The following RASD2 variants were observed in gnomAD, a reference collection of about 807,000 sequenced individuals.
The protein encoded by RASD2 is RASD family member 2.
In RASD2, 7 loss-of-function variants were observed where a neutral mutation model predicts 15.8. That is an observed-to-expected ratio of 0.44 (90% CI 0.25 to 0.83). The LOEUF (loss-of-function observed/expected upper bound fraction) is 0.83, where lower values mean the gene tolerates loss of function less well. Ranked by LOEUF, RASD2 falls within the 40% of genes least tolerant of loss-of-function variation. The pLI, the probability that RASD2 is intolerant of heterozygous loss-of-function variation, is 0.20. For synonymous variants in RASD2, 155 were observed against 153.6 expected (o/e 1.01, Z -0.07); for missense variants, 274 against 382.8 (o/e 0.72, Z 2.37).
intron 1 of RASD2, among the ~76,000 whole-genome samples, chr22:35,545,529 G>A (rs1934476877): frequency 2.0e-5 from 3 of 152,140 alleles, no homozygotes; most frequent in Admixed American, 2.0e-4. Context: ...TATCCAACCT[G>A]CACAACCTGT....
Position 35,551,473 on chromosome 22 carries a change from G to A in RASD2, c.272-30G>A, listed in dbSNP as rs767264091. ...AGGGCAGGGGTTGCAGCTGGCCGGTGAACTCACTACCTGGGCTCTCTCCCT... is the reference window on the plus strand; with the variant it reads ...AGGGCAGGGGTTGCAGCTGGCCGGTAAACTCACTACCTGGGCTCTCTCCCT... On this transcript the variant is annotated intron_variant, in intron 2 of 2. Coordinates refer to ENST00000216127, the MANE Select transcript of RASD2 (RefSeq NM_014310.4). The surrounding 1 kb of genome is among the most constrained non-coding windows in gnomAD (Gnocchi z 4.9). The A allele has an allele frequency of 7.5e-6, 12 of 1,591,162 alleles. No homozygotes were observed. The highest frequency in any genetic ancestry group is 1.3e-5 in the African/African-American group (1 of 74,466).
chr22:35,543,071 G>C (rs1460590909), intron 1 of RASD2, among the ~76,000 whole-genome samples: 1 of 152,212 alleles, frequency 6.6e-6, no homozygotes, highest in African/African-American at 2.4e-5. Flanking sequence ...GCCTGGTTCT[G>C]ATCCCAGCCC....
chr22:35,542,297 G>A (rs778654453), intron 1 of RASD2, among the ~76,000 whole-genome samples: 2 of 152,180 alleles, frequency 1.3e-5, no homozygotes, highest in Non-Finnish European at 2.9e-5. Context: ...GCAGCCCCAC[G>A]ACTGCCAAGA....
At chr22:35,550,290 A>T (rs1004633149) in intron 2 of RASD2, among the ~76,000 whole-genome samples, 5 of 150,878 alleles carry the variant, frequency 3.3e-5, no homozygotes, top group South Asian at 2.1e-4. Flanking sequence ...AATAAATAAA[A>T]AATAGCTAGG....
At chr22:35,543,356 C>T (rs9622226) in intron 1 of RASD2, among the ~76,000 whole-genome samples, 14,905 of 152,308 alleles carry the variant, frequency 0.098, 2,416 homozygotes, top group African/African-American at 0.34. Context: ...CCTCCTCTCT[C>T]TGATTCCTTA....
chr22:35,544,599 A>T (rs1934446876), intron 1 of RASD2, among the ~76,000 whole-genome samples: 1 of 152,230 alleles, frequency 6.6e-6, no homozygotes, highest in Non-Finnish European at 1.5e-5. Context: ...GTTTTGTGGG[A>T]TAAATTCAAA....
upstream of RASD2, among the ~76,000 whole-genome samples, chr22:35,536,616 T>C (rs1284752482): frequency 2.6e-5 from 4 of 152,182 alleles, no homozygotes; most frequent in Non-Finnish European, 2.9e-5. Context: ...TGAGCCACCA[T>C]GCCCAGCCCC....
chr22:35,543,883 C>CCTGCCTCCCCTTTCTGTCTCA (rs1934420959), intron 1 of RASD2, among the ~76,000 whole-genome samples: 1 of 150,146 alleles, frequency 6.7e-6, no homozygotes, highest in African/African-American at 2.5e-5. Flanking sequence ...TGTCTGACTC[C>CCTGCCTCCCCTTTCTGTCTCA]CTGCCTCCCC....
At chr22:35,533,573 GGTGGT>G in the RASD2 span, among the ~76,000 whole-genome samples, 2 of 29,382 alleles carry the variant, frequency 6.8e-5, no homozygotes, top group African/African-American at 2.5e-4. Flanking sequence ...TGGTGGTGAT[GGTGGT>G]AAGGGTGGTG....
chr22:35,548,922 G>C (rs548145525), intron 2 of RASD2, among the ~76,000 whole-genome samples: 1 of 152,184 alleles, frequency 6.6e-6, no homozygotes, highest in Non-Finnish European at 1.5e-5. Flanking sequence ...CTTCCAGCAC[G>C]TGACGGGTAT....
chr22:35,537,727 A>G (rs1428575230), upstream of RASD2, among the ~76,000 whole-genome samples: 1 of 152,152 alleles, frequency 6.6e-6, no homozygotes, highest in Non-Finnish European at 1.5e-5. Context: ...AGTGCTTTGA[A>G]GAATGTGTAG....
In RASD2 at chr22:35,551,978, C is replaced by T. The variant is rs1234126272; in HGVS notation, c.747C>T (p.Ala249=). Residue 249 remains alanine (A), a synonymous_variant, in exon 3 of 3, where the codon GCC becomes GCT. Transcript: ENST00000216127. The surrounding 1 kb of genome is among the most constrained non-coding windows in gnomAD (Gnocchi z 4.9). ...SVNSDLKYIK[A]KVLREGQARE... Reference sequence around the variant, plus strand: ...ACAGTGACCTCAAGTACATCAAGGCCAAGGTCCTTCGGGAAGGCCAGGCCC... The same window carrying T: ...ACAGTGACCTCAAGTACATCAAGGCTAAGGTCCTTCGGGAAGGCCAGGCCC... 1 of 1,601,962 alleles carries T rather than the reference C, an allele frequency of 6.2e-7. No homozygotes were observed. Among genetic ancestry groups the T allele is most frequent in the Admixed American group, 1.7e-5 (1 of 60,008 alleles).
chr22:35,538,514 C>T (rs968603988), upstream of RASD2, among the ~76,000 whole-genome samples: 1 of 152,128 alleles, frequency 6.6e-6, no homozygotes. Context: ...ACAAAGCTTC[C>T]TTGGGCATCA....
chr22:35,541,722 A>G lies in RASD2; in HGVS notation c.-10+222A>G, dbSNP rs183905443. 2.0e-5 allele frequency among the ~76,000 whole-genome samples: 3 copies of G among 152,326 alleles called. No individual in the cohort carries two copies. In the East Asian group the frequency reaches 5.8e-4, roughly 29 times the overall value. On this transcript the variant is annotated intron_variant, in intron 1 of 2. Transcript: ENST00000216127. ...CTGTATGTGTCAAACTGAGTGCTAT[A>G]CCCTTGACTTAATCCCAGGAAAGAA...
At chr22:35,537,083 C>CT (rs35985173), upstream of RASD2, among the ~76,000 whole-genome samples, 35,393 of 151,956 alleles carry the variant, frequency 0.23, 4,668 homozygotes, top group African/African-American at 0.36. Flanking sequence ...CTGACGTGTG[C>CT]TTTTTTTCCT....
At position 35,551,541 on chromosome 22, in the gene RASD2, G is replaced by A; in HGVS notation, c.310G>A (p.Glu104Lys). Reference sequence around the variant, plus strand: ...CCTGGTGTTCAGCCTGGATAACCGGGAGTCCTTCGATGAGGTCAAGCGCCT... The same window carrying A: ...CCTGGTGTTCAGCCTGGATAACCGGAAGTCCTTCGATGAGGTCAAGCGCCT... ...FILVFSLDNR[E>K]SFDEVKRLQK... The change falls in exon 3 of 3, where the codon GAG (glutamate) becomes AAG (lysine). Residue 104 changes from glutamate (E) to lysine (K), a missense_variant. Physicochemically the swap from Glu to Lys is moderately conservative, Grantham distance 56 (BLOSUM62 1). Coordinates refer to ENST00000216127, the MANE Select transcript of RASD2 (RefSeq NM_014310.4). The surrounding 1 kb of genome is among the most constrained non-coding windows in gnomAD (Gnocchi z 4.9). The A allele has an allele frequency of 6.2e-7, 1 of 1,613,222 alleles. No individual in the cohort carries two copies. Among genetic ancestry groups the A allele is most frequent in the Non-Finnish European group, 8.5e-7 (1 of 1,179,270 alleles).
chr22:35,540,604 T>G (rs1934320509), upstream of RASD2, among the ~76,000 whole-genome samples: 1 of 151,996 alleles, frequency 6.6e-6, no homozygotes, highest in African/African-American at 2.4e-5. Flanking sequence ...ATCAGGAGCC[T>G]GGGGTTCTGC....
intron 2 of RASD2, among the ~76,000 whole-genome samples, chr22:35,550,868 C>T (rs1322454458): frequency 1.3e-5 from 2 of 152,178 alleles, no homozygotes; most frequent in Non-Finnish European, 2.9e-5. Context: ...AAGAGAACAA[C>T]GGGCCTGGAG....
At position 35,552,465 on chromosome 22, in the gene RASD2, G is replaced by C. The variant is rs1414431227; in HGVS notation, c.*433G>C. 1.2e-5 allele frequency: 2 copies of C among 164,198 alleles called. No individual in the cohort carries two copies. Among genetic ancestry groups the C allele is most frequent in the African/African-American group, 2.4e-5 (1 of 41,718 alleles). The allele number at this position is 164,198 out of a possible 1,614,324, so 10.2% of individuals were successfully genotyped here. Reference sequence around the variant, plus strand: ...TGGCATAACACCCAGCTTGGTTTGGGTGGCAGCTGGGAGAACTTCTCTCCC... The same window carrying C: ...TGGCATAACACCCAGCTTGGTTTGGCTGGCAGCTGGGAGAACTTCTCTCCC... On this transcript the variant is annotated 3_prime_UTR_variant, in exon 3 of 3. Coordinates refer to ENST00000216127, the MANE Select transcript of RASD2 (RefSeq NM_014310.4).
Sources: allele counts gnomAD v4.1 joint callset (sites outside exome capture counted in the v4.1 genomes callset), GRCh38; gene constraint gnomAD v4.1.1; non-coding constraint Gnocchi (gnomAD v3.1); transcripts MANE v1.5; gene names NCBI Gene and HGNC (gene_info 2026-07-23, HGNC 2026-07-21).